The following FHIT variants were observed in gnomAD, a reference collection of about 807,000 sequenced individuals.
The protein encoded by FHIT is bis(5'-adenosyl)-triphosphatase.
In FHIT, 19 loss-of-function variants were observed where a neutral mutation model predicts 17.9. The ratio of observed to expected loss-of-function variants is 1.06; its 90% CI spans 0.74 to 1.56. FHIT has a LOEUF of 1.56. Among genes scored for constraint, FHIT ranks in the 40% most tolerant of loss-of-function variants. The probability of loss-of-function intolerance (pLI) is 0.00; values close to 1 mark genes in which losing one functional copy is unlikely to be tolerated. For missense variants in FHIT, 248 were observed against 189.2 expected (o/e 1.31, Z -1.82); for synonymous variants, 81 against 69.7 (o/e 1.16, Z -0.81).
intron 5 of FHIT, among the ~76,000 whole-genome samples, chr3:60,067,299 A>G (rs1702558469): frequency 6.6e-6 from 1 of 151,650 alleles, no homozygotes; most frequent in Non-Finnish European, 1.5e-5. Context: ...CCAGCCATAC[A>G]ACAATCTCTT....
intron 5 of FHIT, among the ~76,000 whole-genome samples, chr3:60,207,552 C>T (rs1363613637): frequency 6.6e-6 from 1 of 151,948 alleles, no homozygotes; most frequent in African/African-American, 2.4e-5. Flanking sequence ...GAGTATAAAG[C>T]GAATTTAGAA....
chr3:60,564,747 G>C (rs1576888149), intron 4 of FHIT, among the ~76,000 whole-genome samples: 1 of 152,122 alleles, frequency 6.6e-6, no homozygotes, highest in Non-Finnish European at 1.5e-5. Flanking sequence ...CTTTTTATGG[G>C]TGAGCAAAGA....
chr3:60,173,915 A>ATATATATATTT, intron 5 of FHIT, among the ~76,000 whole-genome samples: 1 of 66,442 alleles, frequency 1.5e-5, no homozygotes, highest in Non-Finnish European at 2.8e-5. Flanking sequence ...ATATATATAT[A>ATATATATATTT]TGTTTTTTTT....
chr3:60,886,739 A>C (rs1705240227), intron 3 of FHIT, among the ~76,000 whole-genome samples: 1 of 152,148 alleles, frequency 6.6e-6, no homozygotes, highest in South Asian at 2.1e-4. Context: ...TTTTAAATAG[A>C]TCTTCCTGGT....
At chr3:60,173,867 A>T (rs1701526706) in intron 5 of FHIT, among the ~76,000 whole-genome samples, 1 of 117,540 alleles carries the variant, frequency 8.5e-6, no homozygotes, top group Admixed American at 9.6e-5. Flanking sequence ...GTGGTGCTAA[A>T]CTATCTCCAT....
chr3:60,568,980 T>TC (rs916616112), intron 4 of FHIT, among the ~76,000 whole-genome samples: 2 of 150,458 alleles, frequency 1.3e-5, no homozygotes, highest in African/African-American at 4.9e-5. Flanking sequence ...TAGAGATTCT[T>TC]TTTTTTTTTT....
chr3:60,634,812 A>C (rs1047295657), intron 4 of FHIT, among the ~76,000 whole-genome samples: 1 of 152,250 alleles, frequency 6.6e-6, no homozygotes, highest in African/African-American at 2.4e-5. Context: ...CATGCATTTA[A>C]AAGTCACAGG....
chr3:60,668,430 C>A, intron 4 of FHIT, among the ~76,000 whole-genome samples: 1 of 147,734 alleles, frequency 6.8e-6, no homozygotes, highest in Non-Finnish European at 1.5e-5. Flanking sequence ...TGTTGCCAGG[C>A]TTGGACTTAG....
intron 5 of FHIT, among the ~76,000 whole-genome samples, chr3:60,391,179 C>A (rs1425386995): frequency 3.5e-5 from 5 of 143,966 alleles, no homozygotes; most frequent in African/African-American, 1.3e-4. Context: ...CAGAGTGAGA[C>A]CGTCTGACAA....
chr3:60,671,100 ACACT>A (rs3037275), intron 4 of FHIT, among the ~76,000 whole-genome samples: 282 of 152,322 alleles, frequency 1.9e-3, no homozygotes, highest in African/African-American at 6.5e-3. Context: ...CAAATTGGGT[ACACT>A]CACTCAGTGT....
intron 3 of FHIT, among the ~76,000 whole-genome samples, chr3:60,967,245 T>G (rs1017712958): frequency 6.6e-6 from 1 of 152,218 alleles, no homozygotes; most frequent in African/African-American, 2.4e-5. Context: ...GGAATATGTA[T>G]GAACGTTGCT....
chr3:59,983,225 C>T (rs1300354500), intron 7 of FHIT, among the ~76,000 whole-genome samples: 2 of 152,106 alleles, frequency 1.3e-5, no homozygotes, highest in African/African-American at 4.8e-5. Flanking sequence ...AGGTATGTGC[C>T]ACCACTCCCA....
intron 2 of FHIT, among the ~76,000 whole-genome samples, chr3:61,110,157 G>A (rs1382967843): frequency 6.6e-6 from 1 of 152,022 alleles, no homozygotes; most frequent in African/African-American, 2.4e-5. Context: ...GTCCCACAAG[G>A]TCCCTCACGC....
chr3:60,611,202 G>T (rs1400046001), intron 4 of FHIT, among the ~76,000 whole-genome samples: 2 of 152,082 alleles, frequency 1.3e-5, no homozygotes. Flanking sequence ...GCCAAGCATG[G>T]GCTAGAAACC....
intron 5 of FHIT, among the ~76,000 whole-genome samples, chr3:60,359,239 G>T (rs935646704): frequency 1.4e-5 from 2 of 146,748 alleles, no homozygotes; most frequent in African/African-American, 5.0e-5. Context: ...GAGAAAATTA[G>T]ATTTCCAAAA....
intron 4 of FHIT, among the ~76,000 whole-genome samples, chr3:60,551,030 A>G (rs566692653): frequency 6.6e-6 from 1 of 152,312 alleles, no homozygotes; most frequent in South Asian, 2.1e-4. Context: ...TTGAATGATA[A>G]GAAGTCCACT....
At chr3:60,043,957 G>A (rs192143005) in intron 5 of FHIT, among the ~76,000 whole-genome samples, 1 of 152,184 alleles carries the variant, frequency 6.6e-6, no homozygotes, top group Non-Finnish European at 1.5e-5. Context: ...GGCCAACGTG[G>A]TGAGTGATAT....
intron 5 of FHIT, among the ~76,000 whole-genome samples, chr3:60,372,666 A>T (rs1468802809): frequency 1.3e-5 from 2 of 152,208 alleles, no homozygotes; most frequent in African/African-American, 4.8e-5. Flanking sequence ...AGTGACATCT[A>T]CTTCAGTATG....
At chr3:60,198,548 CT>C (rs1303866028) in intron 5 of FHIT, among the ~76,000 whole-genome samples, 1 of 152,098 alleles carries the variant, frequency 6.6e-6, no homozygotes, top group African/African-American at 2.4e-5. Flanking sequence ...GTTTAATTTT[CT>C]TTTACTGGTA....
Sources: gnomAD v4.1 joint callset for allele counts (sites outside exome capture counted in the v4.1 genomes callset) on GRCh38, gnomAD v4.1.1 for gene constraint, MANE v1.5 for transcripts, NCBI Gene and HGNC (gene_info 2026-07-23, HGNC 2026-07-21) for gene names.